ADGRV1: variants seen among roughly 807,000 people sequenced by gnomAD.
ADGRV1 encodes the protein G-protein coupled receptor 98.
In ADGRV1, 359 loss-of-function variants were observed where a neutral mutation model predicts 596.2. The observed-to-expected ratio is 0.60, with a 90% CI of 0.55 to 0.66. The LOEUF is 0.66. Among genes scored for constraint, ADGRV1 ranks in the 30% least tolerant of loss-of-function variants. ADGRV1 has a pLI of 0.00. For synonymous variants in ADGRV1, 2,681 were observed against 2,679.2 expected (o/e 1.00, Z -0.02); for missense variants, 7,274 against 7,575.6 (o/e 0.96, Z 1.48).
chr5:90,978,563 T>C (rs1351334128), intron 84 of ADGRV1, among the ~76,000 whole-genome samples: 1 of 151,994 alleles, frequency 6.6e-6, no homozygotes, highest in Non-Finnish European at 1.5e-5. Context: ...TATTTTAAAA[T>C]AATGAAAAGA....
At position 90,753,724 on chromosome 5, in the gene ADGRV1, C is replaced by T. The variant is rs373634531; in HGVS notation, c.11272C>T (p.Gln3758Ter). The T allele has an allele frequency of 1.2e-6, 2 of 1,613,458 alleles. No individual in the cohort carries two copies. Among genetic ancestry groups the T allele is most frequent in the Non-Finnish European group, 8.5e-7 (1 of 1,179,668 alleles). Reference sequence around the variant, plus strand: ...CTCATACAAAGGTGCTACTATTGATCAGGACAGAAGCAAGTCTGTTATAAC... The same window carrying T: ...CTCATACAAAGGTGCTACTATTGATTAGGACAGAAGCAAGTCTGTTATAAC... ...EDSYKGATIDQDRSKSVITTL... is the reference protein window; with the variant it reads ...EDSYKGATID The change falls in exon 54 of 90, where the codon CAG becomes TAG. Residue 3758 changes from glutamine (Q) to a stop codon, truncating the protein, a stop_gained. Transcript: ENST00000405460. LOFTEE classifies it high-confidence loss of function.
At chr5:90,665,607 A>G (rs1227818219) in intron 21 of ADGRV1, among the ~76,000 whole-genome samples, 1 of 148,926 alleles carries the variant, frequency 6.7e-6, no homozygotes, top group African/African-American at 2.5e-5. Context: ...TTGTGTCTCT[A>G]TTTCCTTCAG....
intron 85 of ADGRV1, among the ~76,000 whole-genome samples, chr5:90,990,555 G>A (rs916244342): frequency 6.6e-6 from 1 of 152,132 alleles, no homozygotes; most frequent in South Asian, 2.1e-4. Flanking sequence ...GACCTTAAGC[G>A]GTAATGCTGG....
intron 83 of ADGRV1, among the ~76,000 whole-genome samples, chr5:90,898,374 C>T (rs1263945870): frequency 6.6e-6 from 1 of 152,106 alleles, no homozygotes; most frequent in African/African-American, 2.4e-5. Flanking sequence ...GTCTTCAGTG[C>T]TCATACCATT....
rs559640161 is a variant in ADGRV1 at position 90,745,832 on chromosome 5, A to G, written c.10974+37A>G. ...GAAGACCCCACACTTGCAATGCAAA[A>G]TGTTTTATTTATTGTATTTGTGTAT... On this transcript the variant is annotated intron_variant, in intron 52 of 89. Transcript: ENST00000405460. 8.7e-5 allele frequency: 103 copies of G among 1,184,482 alleles called. 3 individuals carry two copies. The South Asian group carries it at 1.2e-3, about 14-fold the overall frequency. 73.4% of individuals were successfully genotyped at this position (1,184,482 alleles called of 1,614,324 possible).
rs1308610972 is a variant in ADGRV1 at position 90,939,419 on chromosome 5, C to T, written c.17857-25996C>T. On this transcript the variant is annotated intron_variant, in intron 83 of 89. Transcript: ENST00000405460. ...TAATTTGAGTTCATTATTCAAATACCAGCGCCTAACAGATGGAACACTAAA... is the reference window on the plus strand; with the variant it reads ...TAATTTGAGTTCATTATTCAAATACTAGCGCCTAACAGATGGAACACTAAA... 2.0e-5 allele frequency among the ~76,000 whole-genome samples: 3 copies of T among 152,254 alleles called. No individual in the cohort carries two copies. The East Asian group carries it at 5.8e-4, about 29-fold the overall frequency.
At chr5:90,762,668 C>G (rs1378644058) in intron 58 of ADGRV1, 1 of 151,996 alleles carries the variant, frequency 6.6e-6, no homozygotes, top group Non-Finnish European at 1.5e-5. Context: ...CTCTCTTTAT[C>G]TCAGATTAAT....
chr5:90,784,042 C>T lies in ADGRV1; in HGVS notation c.13638C>T (p.Leu4546=). 1 of 1,609,218 alleles carries T rather than the reference C, an allele frequency of 6.2e-7. No homozygotes were observed. Among genetic ancestry groups the T allele is most frequent in the Non-Finnish European group, 8.5e-7 (1 of 1,176,766 alleles). The change falls in exon 67 of 90, where the codon CTC becomes CTT. Residue 4546 remains leucine (L), a synonymous_variant. Transcript: ENST00000405460. The part of the protein sequence containing the change: ...LSLVLERTGG[L]LGEIQVNWET... ...TGGTGCTGGAGCGGACTGGAGGACT[C>T]TTGGGAGAGATTCAGGTAGATTTAT...
intron 85 of ADGRV1, among the ~76,000 whole-genome samples, chr5:91,012,659 G>A (rs956980875): frequency 6.6e-6 from 1 of 151,956 alleles, no homozygotes; most frequent in African/African-American, 2.4e-5. Flanking sequence ...TCCCTCTTGA[G>A]ACAGGGTCCA....
chr5:91,068,272 T>G (rs763360931), intron 85 of ADGRV1, among the ~76,000 whole-genome samples: 1 of 151,408 alleles, frequency 6.6e-6, no homozygotes, highest in Admixed American at 6.6e-5. Context: ...CTGGCTAACA[T>G]GGTGAAACCC....
chr5:91,020,780 C>A (rs1783569722), intron 85 of ADGRV1, among the ~76,000 whole-genome samples: 1 of 151,962 alleles, frequency 6.6e-6, no homozygotes, highest in Non-Finnish European at 1.5e-5. Flanking sequence ...AATGAACCAG[C>A]AGAAGACATT....
intron 1 of ADGRV1, among the ~76,000 whole-genome samples, chr5:90,613,020 A>G (rs1292822068): frequency 6.6e-6 from 1 of 152,104 alleles, no homozygotes. Context: ...ATTTTAACAA[A>G]TGCCTGAGGT....
chr5:91,135,234 C>T (rs1246464902), intron 87 of ADGRV1, among the ~76,000 whole-genome samples: 8 of 151,198 alleles, frequency 5.3e-5, no homozygotes, highest in Admixed American at 5.3e-4. Flanking sequence ...TCCTTGTGTA[C>T]TAAAATTAAA....
At chr5:90,629,138 A>G in intron 8 of ADGRV1, 72 bp from the exon 9 acceptor site, 2 of 786,424 alleles carry the variant, frequency 2.5e-6, no homozygotes, top group East Asian at 3.0e-5. Flanking sequence ...TTAGAATAAC[A>G]TGGAAAATAC....
intron 1 of ADGRV1, among the ~76,000 whole-genome samples, chr5:90,571,055 C>A (rs154572): frequency 6.6e-6 from 1 of 151,716 alleles, no homozygotes; most frequent in African/African-American, 2.4e-5. Context: ...CTCCCTCTTC[C>A]TAGGGTTTGT....
In ADGRV1 at chr5:90,683,959, T is replaced by G; in HGVS notation, c.6038T>G (p.Val2013Gly). 1 of 1,613,926 alleles carries G rather than the reference T, an allele frequency of 6.2e-7. No homozygotes were observed. Among genetic ancestry groups the G allele is most frequent in the Non-Finnish European group, 8.5e-7 (1 of 1,179,872 alleles). Reference protein sequence around the residue: ...RLKGLMGKVLVSYATLDDMEK... With the variant: ...RLKGLMGKVLGSYATLDDMEK... The stretch of plus-strand genomic sequence containing the variant: ...AAAGGCCTCATGGGAAAAGTCCTTG[T>G]CTCATATGCAACACTAGATGATATG... The change falls in exon 28 of 90, where the codon GTC becomes GGC. Residue 2013 changes from valine to glycine, a missense_variant. Transcript: ENST00000405460.
chr5:90,756,448 C>CT lies in ADGRV1; in HGVS notation c.11581-6_11581-5insT. On this transcript the variant is annotated splice_region_variant and splice_polypyrimidine_tract_variant and intron_variant, in intron 55 of 89. Transcript: ENST00000405460. Reference sequence around the variant, plus strand: ...TGAAACACCATCTTTTTCCCCCATCCCCCAGGATGACCTTCCTGAATTGGA... The same window carrying CT: ...TGAAACACCATCTTTTTCCCCCATCCTCCCAGGATGACCTTCCTGAATTGGA... 10 of 1,487,264 alleles carry CT rather than the reference C, an allele frequency of 6.7e-6. No individual in the cohort carries two copies. Among genetic ancestry groups the CT allele is most frequent in the Non-Finnish European group, 9.0e-6 (10 of 1,114,130 alleles). 92.1% of individuals were successfully genotyped at this position (1,487,264 alleles called of 1,614,324 possible). A position where few individuals can be genotyped will look rare whatever the true frequency, so the allele number is the denominator to read the frequency against.
chr5:90,672,283 A>G (rs1302666977), intron 21 of ADGRV1, among the ~76,000 whole-genome samples: 1 of 152,216 alleles, frequency 6.6e-6, no homozygotes, highest in Non-Finnish European at 1.5e-5. Flanking sequence ...GGTATCAATG[A>G]ATGAATTACT....
At chr5:90,670,285 C>G (rs1421625759) in intron 21 of ADGRV1, among the ~76,000 whole-genome samples, 3 of 152,210 alleles carry the variant, frequency 2.0e-5, no homozygotes, top group Non-Finnish European at 4.4e-5. Context: ...TGGGCTGATG[C>G]TTCTCTAGTG....
Sources: allele counts gnomAD v4.1 joint callset (sites outside exome capture counted in the v4.1 genomes callset), GRCh38; gene constraint gnomAD v4.1.1; transcripts MANE v1.5; gene names NCBI Gene and HGNC (gene_info 2026-07-23, HGNC 2026-07-21).